Variants in UNC5C observed in about 807,000 individuals in gnomAD.
UNC5C encodes netrin receptor UNC5C.
UNC5C carries 47 observed loss-of-function variants against 99.8 expected under a neutral mutation model. The observed-to-expected ratio is 0.47, with a 90% confidence interval of 0.37 to 0.60. The LOEUF (loss-of-function observed/expected upper bound fraction) is 0.60, where lower values mean the gene tolerates loss of function less well. Among genes scored for constraint, UNC5C ranks in the 20% least tolerant of loss-of-function variants. The pLI is 0.00. For synonymous variants in UNC5C, 487 were observed against 452.2 expected, an observed-to-expected ratio of 1.08 and a Z score of -0.98; for missense variants, 1,062 against 1,165.9, an observed-to-expected ratio of 0.91 and a Z score of 1.30.
intron 4 of UNC5C, among the ~76,000 whole-genome samples, chr4:95,277,956 A>G (rs534408398): frequency 6.6e-5 from 10 of 152,252 alleles, no homozygotes; most frequent in Non-Finnish European, 1.3e-4. Context: ...CACATTGTTA[A>G]GTCATACCAT....
chr4:95,218,184 C>G (rs1738331572), intron 9 of UNC5C, among the ~76,000 whole-genome samples: 1 of 152,086 alleles, frequency 6.6e-6, no homozygotes, highest in African/African-American at 2.4e-5. Context: ...CACAGCCTTG[C>G]CCAAAAGAAT....
intron 7 of UNC5C, 83 bp from the exon 8 acceptor site, chr4:95,220,259 A>G: frequency 8.1e-7 from 1 of 1,240,644 alleles, no homozygotes; most frequent in Non-Finnish European, 1.1e-6. Flanking sequence ...ATTTTTTCAG[A>G]CATTTACTGC....
intron 10 of UNC5C, 182 bp downstream of exon 10, chr4:95,215,942 C>T (rs942347333): frequency 5.6e-5 from 27 of 484,126 alleles, no homozygotes; most frequent in African/African-American, 3.0e-4. Context: ...TCTGCAAAAG[C>T]GTCTGGAGCC....
intron 1 of UNC5C, among the ~76,000 whole-genome samples, chr4:95,535,853 AT>A (rs1003236377): frequency 5.3e-5 from 8 of 152,048 alleles, no homozygotes; most frequent in Non-Finnish European, 1.2e-4. Flanking sequence ...CATCCAGTAC[AT>A]TTTTAATTCT....
intron 1 of UNC5C, among the ~76,000 whole-genome samples, chr4:95,492,868 G>A (rs2149481913): frequency 6.6e-6 from 1 of 151,562 alleles, no homozygotes; most frequent in African/African-American, 2.4e-5. Context: ...GTATTAATCA[G>A]AGGAGTTATC....
chr4:95,406,340 C>G (rs894415786), intron 1 of UNC5C, among the ~76,000 whole-genome samples: 3 of 152,148 alleles, frequency 2.0e-5, no homozygotes, highest in Non-Finnish European at 2.9e-5. Context: ...GCCCTCCCCT[C>G]CAGTTAATGT....
chr4:95,222,193 C>A (rs1738493944), intron 7 of UNC5C: 1 of 1,482,938 alleles, frequency 6.7e-7, no homozygotes, highest in Non-Finnish European at 8.9e-7. Context: ...AACATAAAAT[C>A]CAAACATCAA....
At chr4:95,508,817 C>T (rs1479331209) in intron 1 of UNC5C, among the ~76,000 whole-genome samples, 1 of 151,758 alleles carries the variant, frequency 6.6e-6, no homozygotes, top group Non-Finnish European at 1.5e-5. Flanking sequence ...CTTGAGATGT[C>T]CTACAGTAAA....
At chr4:95,223,522 G>T (rs563377806) in intron 7 of UNC5C, among the ~76,000 whole-genome samples, 8 of 152,300 alleles carry the variant, frequency 5.3e-5, no homozygotes, top group African/African-American at 1.9e-4. Context: ...AACTAATTCT[G>T]GAGAAACATG....
chr4:95,396,314 G>A (rs1745508137), intron 1 of UNC5C, among the ~76,000 whole-genome samples: 1 of 152,170 alleles, frequency 6.6e-6, no homozygotes, highest in Non-Finnish European at 1.5e-5. Flanking sequence ...TAAAGCAAAG[G>A]TGTTAGAGAC....
At chr4:95,419,596 T>C (rs1746261703) in intron 1 of UNC5C, among the ~76,000 whole-genome samples, 1 of 152,188 alleles carries the variant, frequency 6.6e-6, no homozygotes, top group South Asian at 2.1e-4. Context: ...ATGCTATTTA[T>C]GCCTACTCAA....
rs759891708 is a variant in UNC5C, at chr4:95,301,868, A to G, written c.347-119T>C. 10 of 1,255,080 alleles carry G rather than the reference A, an allele frequency of 8.0e-6. No homozygotes were observed. The Middle Eastern group carries it at 1.1e-3, about 141-fold the overall frequency. The allele number at this position is 1,255,080 out of a possible 1,614,324, so 77.7% of individuals were successfully genotyped here. Reference sequence around the variant, plus strand: ...TTGATGCCATAGATCAACAACCCAGATATTGTCTCTCATCTCTTTTGACTT... The same window carrying G: ...TTGATGCCATAGATCAACAACCCAGGTATTGTCTCTCATCTCTTTTGACTT... On this transcript the variant is annotated intron_variant, in intron 2 of 15. Transcript: ENST00000453304.
chr4:95,453,970 A>G (rs1286723194), intron 1 of UNC5C, among the ~76,000 whole-genome samples: 2 of 152,146 alleles, frequency 1.3e-5, no homozygotes, highest in African/African-American at 4.8e-5. Flanking sequence ...ATCCATAGAG[A>G]CAGAAAGCAC....
intron 1 of UNC5C, among the ~76,000 whole-genome samples, chr4:95,445,352 A>G (rs574499954): frequency 2.7e-5 from 4 of 149,036 alleles, no homozygotes; most frequent in African/African-American, 4.9e-5. Flanking sequence ...TTTCTTTTAG[A>G]TAAATTGCAG....
At chr4:95,398,719 G>C (rs1478019834) in intron 1 of UNC5C, among the ~76,000 whole-genome samples, 1 of 152,124 alleles carries the variant, frequency 6.6e-6, no homozygotes, top group East Asian at 1.9e-4. Flanking sequence ...AAAGCATGTA[G>C]ACTTAGTCTT....
intron 2 of UNC5C, among the ~76,000 whole-genome samples, chr4:95,316,242 G>A (rs1742471980): frequency 6.6e-6 from 1 of 151,994 alleles, no homozygotes; most frequent in Non-Finnish European, 1.5e-5. Flanking sequence ...CTCTTAAATG[G>A]GTACATGATA....
intron 2 of UNC5C, among the ~76,000 whole-genome samples, chr4:95,324,582 T>C (rs1179616464): frequency 6.6e-6 from 1 of 152,202 alleles, no homozygotes; most frequent in Admixed American, 6.5e-5. Flanking sequence ...TGTGCTAATA[T>C]ACATTTGCTA....
chr4:95,368,726 C>A (rs1247145896), intron 1 of UNC5C, among the ~76,000 whole-genome samples: 1 of 152,216 alleles, frequency 6.6e-6, no homozygotes, highest in African/African-American at 2.4e-5. Flanking sequence ...TTAAAATTTT[C>A]AAGTCATCAC....
At chr4:95,304,058 A>G (rs1741970915) in intron 2 of UNC5C, among the ~76,000 whole-genome samples, 1 of 152,146 alleles carries the variant, frequency 6.6e-6, no homozygotes, top group African/African-American at 2.4e-5. Context: ...GGAACAAACA[A>G]TATTTCCTAT....
Sources: allele counts gnomAD v4.1 joint callset (sites outside exome capture counted in the v4.1 genomes callset), GRCh38; gene constraint gnomAD v4.1.1; transcripts MANE v1.5; gene names NCBI Gene and HGNC (gene_info 2026-07-23, HGNC 2026-07-21).